The following TRABD2B variants were observed in gnomAD, a reference collection of about 807,000 sequenced individuals.
TRABD2B encodes the protein TraB domain containing 2B.
A neutral mutation model predicts 40.1 loss-of-function variants in TRABD2B; 14 were observed. That is an observed-to-expected ratio of 0.35 (90% CI 0.23 to 0.55). TRABD2B has a LOEUF of 0.55. Among genes scored for constraint, TRABD2B ranks in the 20% least tolerant of loss-of-function variants. The pLI, the probability that TRABD2B is intolerant of heterozygous loss-of-function variation, is 0.90. For synonymous variants in TRABD2B, 263 were observed against 277.0 expected (o/e 0.95, Z 0.50); for missense variants, 541 against 648.6 (o/e 0.83, Z 1.80).
Position 47,829,805 on chromosome 1 carries a change from C to G in TRABD2B, c.667-28186G>C, listed in dbSNP as rs112644172. ...ATTACCAACCACAAAAAGTCCTTTACTGCACCCCATTGTTCTTAGGAGAAA... is the reference window on the plus strand; with the variant it reads ...ATTACCAACCACAAAAAGTCCTTTAGTGCACCCCATTGTTCTTAGGAGAAA... On this transcript the variant is annotated intron_variant, in intron 2 of 6. Coordinates refer to ENST00000606738, the MANE Select transcript of TRABD2B (RefSeq NM_001194986.2). 9.0e-3 allele frequency among the ~76,000 whole-genome samples: 1,370 copies of G among 152,320 alleles called. 28 individuals are homozygous for G. The highest frequency in any genetic ancestry group is 0.031 in the African/African-American group (1,308 of 41,568).
intron 2 of TRABD2B, among the ~76,000 whole-genome samples, chr1:47,830,188 C>T (rs534245842): frequency 6.6e-6 from 1 of 152,368 alleles, no homozygotes; most frequent in African/African-American, 2.4e-5. Context: ...TCCCTGAAGG[C>T]AGCAGCATCG....
chr1:47,886,574 C>CT (rs1644373884), intron 2 of TRABD2B, among the ~76,000 whole-genome samples: 1 of 152,214 alleles, frequency 6.6e-6, no homozygotes, highest in Non-Finnish European at 1.5e-5. Context: ...TTCTCTCCAC[C>CT]TCAGTGAACA....
Position 47,917,524 on chromosome 1 carries a change from T to C in TRABD2B, c.666+76510A>G, listed in dbSNP as rs144222255. Among the ~76,000 whole-genome samples the C allele has an allele frequency of 3.3e-5, 5 of 151,944 alleles. No homozygotes were observed. In the East Asian group the frequency reaches 9.7e-4, roughly 30 times the overall value. ...TTGCTTGAGCCCAGGAGTTTGAGACTAGCCTGGGCAATATAGTAAGGCCTT... is the reference window on the plus strand; with the variant it reads ...TTGCTTGAGCCCAGGAGTTTGAGACCAGCCTGGGCAATATAGTAAGGCCTT... On this transcript the variant is annotated intron_variant, in intron 2 of 6. Transcript: ENST00000606738.
intron 2 of TRABD2B, among the ~76,000 whole-genome samples, chr1:47,974,037 G>A (rs1410377151): frequency 6.6e-5 from 10 of 152,132 alleles, no homozygotes; most frequent in Middle Eastern, 3.2e-3. Flanking sequence ...CTGGAAGGTC[G>A]AGGCTGCAGT....
At chr1:47,982,747 G>A (rs540191307) in intron 2 of TRABD2B, among the ~76,000 whole-genome samples, 3 of 152,300 alleles carry the variant, frequency 2.0e-5, no homozygotes, top group South Asian at 4.1e-4. Context: ...AGAAAGGCTT[G>A]TTCTGCATTC....
intron 2 of TRABD2B, among the ~76,000 whole-genome samples, chr1:47,841,407 G>C (rs1445021196): frequency 2.0e-5 from 3 of 152,248 alleles, no homozygotes; most frequent in African/African-American, 7.2e-5. Context: ...TCCTATATCT[G>C]CAGGGGCAGC....
chr1:47,953,566 G>A (rs1437754049), intron 2 of TRABD2B, among the ~76,000 whole-genome samples: 2 of 152,114 alleles, frequency 1.3e-5, no homozygotes, highest in African/African-American at 2.4e-5. Context: ...GGGGCAGTTG[G>A]GGTGGCCATA....
intron 2 of TRABD2B, among the ~76,000 whole-genome samples, chr1:47,807,824 A>G (rs1403154888): frequency 6.6e-6 from 1 of 152,214 alleles, no homozygotes; most frequent in Admixed American, 6.5e-5. Context: ...TGGGGAAAGA[A>G]ACAGAGCATT....
At chr1:47,910,528 G>A (rs1221253197) in intron 2 of TRABD2B, among the ~76,000 whole-genome samples, 1 of 152,178 alleles carries the variant, frequency 6.6e-6, no homozygotes, top group Non-Finnish European at 1.5e-5. Flanking sequence ...CAGAGAGTGG[G>A]AGAATGAGTT....
chr1:47,884,836 G>A (rs954138499), intron 2 of TRABD2B, among the ~76,000 whole-genome samples: 5 of 151,940 alleles, frequency 3.3e-5, no homozygotes, highest in Admixed American at 6.6e-5. Flanking sequence ...GGCTGGTCTC[G>A]AACTCCTGAC....
At chr1:47,864,121 G>A (rs78113154) in intron 2 of TRABD2B, among the ~76,000 whole-genome samples, 3,559 of 152,192 alleles carry the variant, frequency 0.023, 113 homozygotes, top group Admixed American at 0.094. Context: ...AATAGGTGGA[G>A]CATAGATAAT....
intron 2 of TRABD2B, among the ~76,000 whole-genome samples, chr1:47,925,031 G>C (rs1219373623): frequency 2.0e-5 from 3 of 152,202 alleles, no homozygotes; most frequent in African/African-American, 4.8e-5. Context: ...AGCCCAGAAA[G>C]TAACTGAATC....
chr1:47,862,684 A>G (rs988724737), intron 2 of TRABD2B, among the ~76,000 whole-genome samples: 4 of 152,170 alleles, frequency 2.6e-5, no homozygotes, highest in Admixed American at 2.6e-4. Flanking sequence ...TATTCAACAC[A>G]ATCCTAATCA....
At chr1:47,932,562 A>G (rs1160540626) in intron 2 of TRABD2B, among the ~76,000 whole-genome samples, 2 of 152,120 alleles carry the variant, frequency 1.3e-5, no homozygotes, top group Non-Finnish European at 2.9e-5. Context: ...ATCAGGAGAG[A>G]GTGAGAAATT....
At chr1:47,817,577 G>A (rs938178292) in intron 2 of TRABD2B, among the ~76,000 whole-genome samples, 1 of 152,118 alleles carries the variant, frequency 6.6e-6, no homozygotes, top group African/African-American at 2.4e-5. Flanking sequence ...CTCGGGGCAC[G>A]GATGTCGGCT....
chr1:47,794,777 G>A lies in TRABD2B; in HGVS notation c.814-17C>T. On this transcript the variant is annotated splice_polypyrimidine_tract_variant and intron_variant, in intron 3 of 6. Transcript: ENST00000606738. ...GTTGGGCAGCTGCAAAGGCAAGACAGAGGCTGCCTTCAGTTTTTTTTTTTT... is the reference window on the plus strand; with the variant it reads ...GTTGGGCAGCTGCAAAGGCAAGACAAAGGCTGCCTTCAGTTTTTTTTTTTT... 6.2e-6 allele frequency: 9 copies of A among 1,457,726 alleles called. No individual in the cohort carries two copies. The highest frequency in any genetic ancestry group is 2.5e-5 in the East Asian group (1 of 39,218). 90.3% of individuals were successfully genotyped at this position (1,457,726 alleles called of 1,614,324 possible).
chr1:47,860,840 T>C (rs1318649958), intron 2 of TRABD2B, among the ~76,000 whole-genome samples: 1 of 152,210 alleles, frequency 6.6e-6, no homozygotes, highest in East Asian at 1.9e-4. Context: ...GCTCCTGTTC[T>C]GTCTGCCATA....
rs561730931 is a variant in TRABD2B, at chr1:47,852,529, C to T, written c.667-50910G>A. On this transcript the variant is annotated intron_variant, in intron 2 of 6. Coordinates refer to ENST00000606738, the MANE Select transcript of TRABD2B (RefSeq NM_001194986.2). ...GAATCTGAGCCTTCCCTGCAGCCCA[C>T]CAGGGCCACCATTGCTGGTCACGTC... 3.8e-4 allele frequency among the ~76,000 whole-genome samples: 58 copies of T among 152,326 alleles called. 1 individual carries two copies. Among genetic ancestry groups the T allele is most frequent in the Admixed American group, 2.0e-3 (31 of 15,306 alleles).
intron 2 of TRABD2B, among the ~76,000 whole-genome samples, chr1:47,945,001 C>CATGT (rs1404143306): frequency 6.9e-6 from 1 of 144,722 alleles, no homozygotes; most frequent in Non-Finnish European, 1.5e-5. Flanking sequence ...TGCTGCAGGA[C>CATGT]ATGTAGTTCA....
Sources: allele counts gnomAD v4.1 joint callset (sites outside exome capture counted in the v4.1 genomes callset), GRCh38; gene constraint gnomAD v4.1.1; transcripts MANE v1.5; gene names NCBI Gene and HGNC (gene_info 2026-07-23, HGNC 2026-07-21).